CNBD1: variants seen among roughly 807,000 people sequenced by gnomAD.
The protein encoded by CNBD1 is cyclic nucleotide binding domain containing 1.
Under a neutral mutation model 54.4 loss-of-function variants are expected in CNBD1, and 71 were observed. The observed-to-expected ratio is 1.30, with a 90% CI of 1.08 to 1.59. The LOEUF (loss-of-function observed/expected upper bound fraction) is 1.59. Among genes scored for constraint, CNBD1 ranks in the 40% most tolerant of loss-of-function variants. The pLI is 0.00. For synonymous variants in CNBD1, 182 were observed against 170.7 expected (o/e 1.07, Z -0.51); for missense variants, 659 against 518.0 (o/e 1.27, Z -2.64).
chr8:86,937,062 T>G (rs562375193), intron 3 of CNBD1, among the ~76,000 whole-genome samples: 1 of 152,324 alleles, frequency 6.6e-6, no homozygotes, highest in East Asian at 1.9e-4. Flanking sequence ...GACTGAGTAA[T>G]TTATAAAGGA....
chr8:86,910,828 C>T (rs1046581684), intron 3 of CNBD1, among the ~76,000 whole-genome samples: 1 of 152,206 alleles, frequency 6.6e-6, no homozygotes. Context: ...GAAAAGTTCT[C>T]TCCTGCAGAG....
chr8:87,266,960 C>A (rs182057394), intron 6 of CNBD1, among the ~76,000 whole-genome samples: 59 of 151,956 alleles, frequency 3.9e-4, no homozygotes, highest in Non-Finnish European at 8.8e-5. Flanking sequence ...TTCATGGTAT[C>A]ATAACAGAAA....
intron 6 of CNBD1, 65 bp from the exon 7 acceptor site, chr8:87,284,613 C>T: frequency 7.1e-7 from 1 of 1,413,684 alleles, no homozygotes; most frequent in Non-Finnish European, 9.6e-7. Context: ...CAATCCAATC[C>T]TTCACTGGCA....
At chr8:87,103,599 C>G (rs563515767) in intron 4 of CNBD1, among the ~76,000 whole-genome samples, 19 of 152,230 alleles carry the variant, frequency 1.2e-4, no homozygotes, top group African/African-American at 4.3e-4. Flanking sequence ...AAAAGTGCAG[C>G]GTGAAGTTGG....
chr8:87,266,803 G>A (rs1205649170), intron 6 of CNBD1, among the ~76,000 whole-genome samples: 1 of 151,958 alleles, frequency 6.6e-6, no homozygotes, highest in Non-Finnish European at 1.5e-5. Context: ...AGTAATGTGG[G>A]TTCATTCATT....
intron 4 of CNBD1, among the ~76,000 whole-genome samples, chr8:87,172,875 G>A (rs1386655557): frequency 1.3e-5 from 2 of 151,926 alleles, no homozygotes; most frequent in African/African-American, 4.8e-5. Context: ...TACATTCAAT[G>A]TTATTATTGA....
At chr8:87,057,878 C>A (rs73281244) in intron 4 of CNBD1, among the ~76,000 whole-genome samples, 2,181 of 152,092 alleles carry the variant, frequency 0.014, 42 homozygotes, top group African/African-American at 0.047. Context: ...CACACACACA[C>A]ACACAATCGT....
chr8:86,949,947 CTTTTTTTTT>C (rs770744308), intron 4 of CNBD1, among the ~76,000 whole-genome samples: 1 of 15,726 alleles, frequency 6.4e-5, no homozygotes, highest in African/African-American at 3.3e-4. Context: ...TCATCAAATG[CTTTTTTTTT>C]TTTTTTTTTT....
chr8:87,229,143 G>A (rs575091398), intron 5 of CNBD1, among the ~76,000 whole-genome samples: 311 of 152,256 alleles, frequency 2.0e-3, no homozygotes, highest in African/African-American at 7.0e-3. Context: ...ACCTGCGCCC[G>A]CTGTCTGGCA....
At chr8:87,085,594 T>A (rs1308564871) in intron 4 of CNBD1, among the ~76,000 whole-genome samples, 4 of 152,166 alleles carry the variant, frequency 2.6e-5, no homozygotes, top group African/African-American at 9.7e-5. Context: ...TCTAGTGTTG[T>A]CTTTTACTTA....
chr8:87,233,489 T>C (rs191844072), intron 5 of CNBD1, among the ~76,000 whole-genome samples: 54 of 152,322 alleles, frequency 3.5e-4, no homozygotes, highest in African/African-American at 1.3e-3. Context: ...TAATTTAAAA[T>C]ACTTAATTGC....
At chr8:87,342,338 G>A (rs1810082404) in intron 8 of CNBD1, among the ~76,000 whole-genome samples, 1 of 151,902 alleles carries the variant, frequency 6.6e-6, no homozygotes, top group Non-Finnish European at 1.5e-5. Context: ...CTCCATGGGA[G>A]GAGTAAGAGT....
At chr8:86,938,977 A>G (rs935255495) in intron 3 of CNBD1, among the ~76,000 whole-genome samples, 1 of 152,036 alleles carries the variant, frequency 6.6e-6, no homozygotes, top group East Asian at 1.9e-4. Flanking sequence ...CTGCCTTACT[A>G]TTTTTTTCTT....
At chr8:87,299,224 T>C (rs984606140) in intron 8 of CNBD1, among the ~76,000 whole-genome samples, 4 of 152,202 alleles carry the variant, frequency 2.6e-5, no homozygotes, top group Admixed American at 2.0e-4. Flanking sequence ...TTTCCAATTA[T>C]TTGCTTTTGA....
At chr8:87,423,424 G>C (rs921600466) in intron 2 of CNBD1, among the ~76,000 whole-genome samples, 1 of 151,690 alleles carries the variant, frequency 6.6e-6, no homozygotes, top group Admixed American at 6.6e-5. Context: ...GTCACAGATA[G>C]CTCTTATTAT....
chr8:87,334,947 G>C (rs10091975), intron 8 of CNBD1, among the ~76,000 whole-genome samples: 1 of 151,480 alleles, frequency 6.6e-6, no homozygotes, highest in Admixed American at 6.6e-5. Context: ...GATGGTCTCA[G>C]TCTCTTGACC....
At chr8:86,869,146 A>C (rs1808406069) in intron 1 of CNBD1, among the ~76,000 whole-genome samples, 1 of 152,204 alleles carries the variant, frequency 6.6e-6, no homozygotes, top group Admixed American at 6.5e-5. Flanking sequence ...CAGAGTTCTC[A>C]TTTCCAGAAC....
At chr8:87,216,994 CCT>C (rs1225739646) in intron 5 of CNBD1, among the ~76,000 whole-genome samples, 1 of 152,020 alleles carries the variant, frequency 6.6e-6, no homozygotes, top group African/African-American at 2.4e-5. Context: ...TAATTCTCTC[CCT>C]GTTATCTGTT....
At chr8:87,119,449 A>T (rs545761024) in intron 4 of CNBD1, among the ~76,000 whole-genome samples, 1 of 151,900 alleles carries the variant, frequency 6.6e-6, no homozygotes, top group Non-Finnish European at 1.5e-5. Flanking sequence ...AACTTTACTC[A>T]CTTCACTTAT....
Sources: allele counts gnomAD v4.1 joint callset (sites outside exome capture counted in the v4.1 genomes callset), GRCh38; gene constraint gnomAD v4.1.1; transcripts MANE v1.5; gene names NCBI Gene and HGNC (gene_info 2026-07-23, HGNC 2026-07-21).